DENND5A: variants seen among roughly 807,000 people sequenced by gnomAD.
DENND5A encodes DENN domain containing 5A.
Under a neutral mutation model 140.3 loss-of-function variants are expected in DENND5A, and 64 were observed. That is an observed-to-expected ratio of 0.46 (90% CI 0.37 to 0.56). The LOEUF (loss-of-function observed/expected upper bound fraction) is 0.56. Among genes scored for constraint, DENND5A ranks in the 20% least tolerant of loss-of-function variants. DENND5A has a pLI of 0.00. For missense variants in DENND5A, 1,292 were observed against 1,593.8 expected (o/e 0.81, Z 3.22); for synonymous variants, 605 against 607.7 (o/e 1.00, Z 0.07).
chr11:9,226,098 CATT>C (rs1850518319), intron 1 of DENND5A, among the ~76,000 whole-genome samples: 1 of 152,138 alleles, frequency 6.6e-6, no homozygotes, highest in Admixed American at 6.5e-5. Context: ...TCATCATCAT[CATT>C]ATCATCATCA....
At chr11:9,227,833 A>G (rs1377375861) in intron 1 of DENND5A, among the ~76,000 whole-genome samples, 1 of 151,944 alleles carries the variant, frequency 6.6e-6, no homozygotes, top group Non-Finnish European at 1.5e-5. Context: ...GAGGCCAGGC[A>G]CTGTGGCTCA....
At position 9,203,660 on chromosome 11, in the gene DENND5A, G is replaced by A. The variant is rs776902277; in HGVS notation, c.949C>T (p.His317Tyr). ...LEFQILLYSQ[H>Y]YQRLMTVAET... ...AAGGCTCTAGTAAGCACTGACTTAC[G>A]CTGTGAGTAGAGCAGGATTTGAAAC... Residue 317 changes from histidine to tyrosine, a missense_variant and splice_region_variant, in exon 4 of 23, where the codon CAT (histidine) becomes TAT (tyrosine). His to Tyr is a moderately conservative substitution (Grantham distance 83). Coordinates refer to ENST00000328194, the MANE Select transcript of DENND5A (RefSeq NM_015213.4). 1.4e-5 allele frequency: 22 copies of A among 1,611,232 alleles called. No individual in the cohort carries two copies. The highest frequency in any genetic ancestry group is 1.7e-5 in the Admixed American group (1 of 59,860).
intron 9 of DENND5A, chr11:9,170,343 G>A: frequency 1.1e-6 from 1 of 938,252 alleles, no homozygotes; most frequent in Non-Finnish European, 1.3e-6. Flanking sequence ...CTAGCTTGCT[G>A]TTGAATGGGA....
At chr11:9,160,567 ATTTAATTG>A in intron 12 of DENND5A, 138 bp downstream of exon 12, 1 of 576,654 alleles carries the variant, frequency 1.7e-6, no homozygotes, top group Non-Finnish European at 2.9e-6. Context: ...GATCACATTT[ATTTAATTG>A]TTTATTTCAA....
At chr11:9,238,866 T>C (rs1283673541) in intron 1 of DENND5A, among the ~76,000 whole-genome samples, 1 of 150,890 alleles carries the variant, frequency 6.6e-6, no homozygotes, top group Admixed American at 6.6e-5. Context: ...ATTTTCACTC[T>C]TGTTGCCCAG....
chr11:9,139,603 T>C lies in DENND5A; in HGVS notation c.*68A>G. ...ACTCCTGCACAATCGCTTAAGTCCC[T>C]TTGGGAAAAAAGGTCAGAGCTGCAG... On this transcript the variant is annotated 3_prime_UTR_variant, in exon 23 of 23. Transcript: ENST00000328194. 1.3e-6 allele frequency: 2 copies of C among 1,501,170 alleles called. No individual in the cohort carries two copies. The highest frequency in any genetic ancestry group is 2.5e-5 in the South Asian group (2 of 81,086). The allele number at this position is 1,501,170 out of a possible 1,614,324, so 93.0% of individuals were successfully genotyped here. A position where few individuals can be genotyped will look rare whatever the true frequency, so the allele number is the denominator to read the frequency against.
intron 1 of DENND5A, among the ~76,000 whole-genome samples, chr11:9,240,325 G>C (rs1274180801): frequency 6.6e-6 from 1 of 152,136 alleles, no homozygotes; most frequent in Non-Finnish European, 1.5e-5. Flanking sequence ...AACCCGGGAG[G>C]TGGAGGTTGC....
At chr11:9,142,587 A>G in intron 21 of DENND5A, 135 bp downstream of exon 21, 1 of 1,167,476 alleles carries the variant, frequency 8.6e-7, no homozygotes, top group African/African-American at 1.5e-5. Flanking sequence ...AAGAAAAACC[A>G]GAGCAAACAA....
At chr11:9,262,983 C>T (rs534234402) in intron 1 of DENND5A, among the ~76,000 whole-genome samples, 3 of 152,160 alleles carry the variant, frequency 2.0e-5, no homozygotes, top group East Asian at 1.9e-4. Context: ...CTTCGTGATC[C>T]GCCCGCCTCA....
intron 12 of DENND5A, among the ~76,000 whole-genome samples, chr11:9,160,134 T>G (rs1847929948): frequency 6.6e-6 from 1 of 152,226 alleles, no homozygotes; most frequent in Admixed American, 6.5e-5. Flanking sequence ...TCAAAAAATT[T>G]CAAGTTATTT....
At chr11:9,190,515 T>C (rs1349459124) in intron 5 of DENND5A, among the ~76,000 whole-genome samples, 1 of 152,188 alleles carries the variant, frequency 6.6e-6, no homozygotes, top group Non-Finnish European at 1.5e-5. Context: ...CCTGCTGCCA[T>C]CCATGTAAGA....
Position 9,140,099 on chromosome 11 carries a change from C to T in DENND5A, c.3681-245G>A, listed in dbSNP as rs1337800617. 1.8e-5 allele frequency: 24 copies of T among 1,360,488 alleles called. No homozygotes were observed. The Admixed American group carries it at 2.3e-4, about 13-fold the overall frequency. 84.3% of individuals were successfully genotyped at this position (1,360,488 alleles called of 1,614,324 possible). A position where few individuals can be genotyped will look rare whatever the true frequency, so the allele number is the denominator to read the frequency against. ...AAGCCTCCTCCTCCCCTGCCTCCCT[C>T]GCCCTGCCTAGTCAGCCCCACCACT... On this transcript the variant is annotated intron_variant, in intron 22 of 22. Coordinates refer to ENST00000328194, the MANE Select transcript of DENND5A (RefSeq NM_015213.4).
rs560483447 is a variant in DENND5A at position 9,154,831 on chromosome 11, A to T, written c.2437-2389T>A. On this transcript the variant is annotated intron_variant, in intron 12 of 22. Coordinates refer to ENST00000328194, the MANE Select transcript of DENND5A (RefSeq NM_015213.4). ...TGTTGGGAGCCAAAAAGAAAAAAAA[A>T]TTTTAATTTAAAAAACTTAAAAAAA... Among the ~76,000 whole-genome samples, 13 of 151,966 alleles carry T rather than the reference A, an allele frequency of 8.6e-5. No homozygotes were observed. The East Asian group carries it at 1.9e-3, about 23-fold the overall frequency.
At chr11:9,152,000 T>C (rs1265131574) in intron 13 of DENND5A, among the ~76,000 whole-genome samples, 1 of 152,160 alleles carries the variant, frequency 6.6e-6, no homozygotes, top group African/African-American at 2.4e-5. Context: ...ACTAACGGGA[T>C]AGATAATCAT....
At chr11:9,230,953 G>C (rs892520295) in intron 1 of DENND5A, among the ~76,000 whole-genome samples, 7 of 152,062 alleles carry the variant, frequency 4.6e-5, no homozygotes, top group African/African-American at 1.4e-4. Flanking sequence ...GTGCACTCTA[G>C]CCTGGGTGAC....
At chr11:9,227,980 G>C (rs562468333) in intron 1 of DENND5A, among the ~76,000 whole-genome samples, 6 of 151,624 alleles carry the variant, frequency 4.0e-5, no homozygotes, top group Non-Finnish European at 8.8e-5. Context: ...GGGCATGGTG[G>C]TGCATGCCTG....
At chr11:9,180,533 T>G (rs571590633) in intron 6 of DENND5A, among the ~76,000 whole-genome samples, 2 of 152,350 alleles carry the variant, frequency 1.3e-5, no homozygotes, top group Admixed American at 1.3e-4. Context: ...CATAGAATGA[T>G]GGCAGACTCT....
chr11:9,226,317 G>T (rs1369355124), intron 1 of DENND5A, among the ~76,000 whole-genome samples: 1 of 152,014 alleles, frequency 6.6e-6, no homozygotes, highest in East Asian at 1.9e-4. Context: ...AGAACCCTAC[G>T]GTATAATTTG....
intron 5 of DENND5A, among the ~76,000 whole-genome samples, chr11:9,185,737 C>T (rs1327679652): frequency 1.3e-5 from 2 of 151,784 alleles, no homozygotes; most frequent in Non-Finnish European, 2.9e-5. Context: ...TCTGTGTCTA[C>T]GTGTGTGTTG....
Sources: gnomAD v4.1 joint callset for allele counts (sites outside exome capture counted in the v4.1 genomes callset) on GRCh38, gnomAD v4.1.1 for gene constraint, MANE v1.5 for transcripts, NCBI Gene and HGNC (gene_info 2026-07-23, HGNC 2026-07-21) for gene names.